ADGRB3: variants seen among roughly 807,000 people sequenced by gnomAD.
ADGRB3 encodes the protein adhesion G protein-coupled receptor B3.
ADGRB3 carries 37 observed loss-of-function variants against 193.4 expected under a neutral mutation model. That is an observed-to-expected ratio of 0.19 (90% confidence interval 0.15 to 0.25). The LOEUF is 0.25. Ranked by LOEUF, ADGRB3 falls within the 10% of genes least tolerant of loss-of-function variation. The pLI is 1.00. For missense variants in ADGRB3, 1,637 were observed against 1,852.9 expected (o/e 0.88, Z 2.14); for synonymous variants, 690 against 644.2 (o/e 1.07, Z -1.08).
At chr6:69,356,003 C>A in intron 28 of ADGRB3, 143 bp downstream of exon 28, 2 of 611,004 alleles carry the variant, frequency 3.3e-6, no homozygotes, top group Non-Finnish European at 2.7e-6. Context: ...CCCCCAAATG[C>A]CAAAGGAGCT....
chr6:68,859,886 G>A (rs1276432570), intron 3 of ADGRB3, among the ~76,000 whole-genome samples: 1 of 151,950 alleles, frequency 6.6e-6, no homozygotes, highest in Non-Finnish European at 1.5e-5. Flanking sequence ...ATATTTTGTT[G>A]TTTACATAGA....
intron 3 of ADGRB3, among the ~76,000 whole-genome samples, chr6:68,829,798 A>C (rs1422931712): frequency 1.3e-5 from 2 of 152,172 alleles, no homozygotes; most frequent in Non-Finnish European, 2.9e-5. Context: ...ACATTTATCT[A>C]AAATGACTAT....
chr6:68,649,919 C>A (rs777051991), intron 3 of ADGRB3, among the ~76,000 whole-genome samples: 1 of 152,096 alleles, frequency 6.6e-6, no homozygotes, highest in Non-Finnish European at 1.5e-5. Context: ...CTCCTTTAAG[C>A]CTATGGGCAG....
chr6:68,691,348 C>A (rs186783200), intron 3 of ADGRB3, among the ~76,000 whole-genome samples: 2 of 152,040 alleles, frequency 1.3e-5, no homozygotes, highest in East Asian at 3.9e-4. Context: ...TATTCAATAG[C>A]CTTGAAACAA....
intron 3 of ADGRB3, among the ~76,000 whole-genome samples, chr6:68,866,872 A>T (rs2150217446): frequency 6.6e-6 from 1 of 152,336 alleles, no homozygotes; most frequent in African/African-American, 2.4e-5. Flanking sequence ...ACTTCCAAGT[A>T]AAAAAGCATT....
At chr6:68,939,860 A>T (rs1363983941) in intron 5 of ADGRB3, among the ~76,000 whole-genome samples, 1 of 152,300 alleles carries the variant, frequency 6.6e-6, no homozygotes, top group Non-Finnish European at 1.5e-5. Context: ...CACATTTTGG[A>T]CACTCAAATG....
chr6:68,957,748 A>C (rs1010400563), intron 8 of ADGRB3, among the ~76,000 whole-genome samples: 34 of 152,310 alleles, frequency 2.2e-4, no homozygotes, highest in African/African-American at 7.9e-4. Flanking sequence ...AACTTAGAAG[A>C]ACCAAGGTAT....
At chr6:68,695,351 C>T (rs1765139472) in intron 3 of ADGRB3, among the ~76,000 whole-genome samples, 1 of 151,914 alleles carries the variant, frequency 6.6e-6, no homozygotes, top group Admixed American at 6.6e-5. Flanking sequence ...ACTCAAATTG[C>T]CTTAAAAAAA....
chr6:68,795,589 A>C (rs888912595), intron 3 of ADGRB3, among the ~76,000 whole-genome samples: 13 of 152,216 alleles, frequency 8.5e-5, no homozygotes, highest in African/African-American at 2.6e-4. Flanking sequence ...CCTCAAATCA[A>C]AACATCAGAA....
chr6:69,342,889 T>G (rs1040283363), intron 26 of ADGRB3, among the ~76,000 whole-genome samples: 2 of 152,046 alleles, frequency 1.3e-5, no homozygotes, highest in Non-Finnish European at 2.9e-5. Context: ...AAAATATATA[T>G]TTTTTAATTT....
At chr6:68,873,047 A>G (rs1765503994) in intron 3 of ADGRB3, among the ~76,000 whole-genome samples, 1 of 152,128 alleles carries the variant, frequency 6.6e-6, no homozygotes, top group Non-Finnish European at 1.5e-5. Flanking sequence ...TCCAAGTTCC[A>G]CAAACCCAAA....
chr6:68,911,525 C>T (rs1228300607), intron 3 of ADGRB3, among the ~76,000 whole-genome samples: 1 of 152,086 alleles, frequency 6.6e-6, no homozygotes, highest in South Asian at 2.1e-4. Flanking sequence ...CTCTGGATAC[C>T]AGCATGCTAT....
chr6:68,783,965 C>T (rs1033768572), intron 3 of ADGRB3, among the ~76,000 whole-genome samples: 1 of 152,014 alleles, frequency 6.6e-6, no homozygotes, highest in Non-Finnish European at 1.5e-5. Context: ...TTCTCAGTTA[C>T]TGCAAATCAG....
intron 17 of ADGRB3, among the ~76,000 whole-genome samples, chr6:69,175,254 A>G (rs1775389203): frequency 6.6e-6 from 1 of 151,960 alleles, no homozygotes; most frequent in African/African-American, 2.4e-5. Flanking sequence ...AAACTATAAG[A>G]CTTCTAGAAG....
intron 3 of ADGRB3, among the ~76,000 whole-genome samples, chr6:68,782,407 A>G (rs1766873243): frequency 6.6e-6 from 1 of 151,770 alleles, no homozygotes; most frequent in African/African-American, 2.4e-5. Flanking sequence ...AGTCTTTGCT[A>G]TTGTGAATAG....
At chr6:68,652,031 G>C (rs940645535) in intron 3 of ADGRB3, among the ~76,000 whole-genome samples, 11 of 151,994 alleles carry the variant, frequency 7.2e-5, no homozygotes, top group Non-Finnish European at 7.4e-5. Context: ...ATATCTATCT[G>C]TGCTTAATTT....
intron 17 of ADGRB3, among the ~76,000 whole-genome samples, chr6:69,178,106 G>T (rs182544376): frequency 6.6e-6 from 1 of 152,190 alleles, no homozygotes; most frequent in Non-Finnish European, 1.5e-5. Flanking sequence ...TTATGAATCT[G>T]GGTGCTCCAA....
In ADGRB3 at chr6:68,798,268, C is replaced by A. The variant is rs544703971; in HGVS notation, c.758-132291C>A. 4.6e-5 allele frequency among the ~76,000 whole-genome samples: 7 copies of A among 152,086 alleles called. No individual in the cohort carries two copies. The South Asian group carries it at 6.2e-4, about 14-fold the overall frequency. On this transcript the variant is annotated intron_variant, in intron 3 of 31. Transcript: ENST00000370598. ...TGGCAAATATTCATGTATTCATAAG[C>A]CTTCTATGTGCCAAGTCTGTTCTGT...
At chr6:68,759,810 T>TA (rs970735848) in intron 3 of ADGRB3, among the ~76,000 whole-genome samples, 38 of 151,950 alleles carry the variant, frequency 2.5e-4, no homozygotes, top group African/African-American at 8.9e-4. Flanking sequence ...AATTGAGAGG[T>TA]AAAAAAATGA....
Sources: allele counts gnomAD v4.1 joint callset (sites outside exome capture counted in the v4.1 genomes callset), GRCh38; gene constraint gnomAD v4.1.1; transcripts MANE v1.5; gene names NCBI Gene and HGNC (gene_info 2026-07-23, HGNC 2026-07-21).